Variants in C3AR1 observed in about 807,000 individuals in gnomAD.
The protein encoded by C3AR1 is C3a anaphylatoxin chemotactic receptor.
For synonymous variants in C3AR1, 208 were observed against 225.3 expected, an observed-to-expected ratio of 0.92 and a Z score of 0.69; for missense variants, 579 against 583.5, an observed-to-expected ratio of 0.99 and a Z score of 0.08.
At chr12:8,064,304 T>A (rs1470325732) in intron 1 of C3AR1, among the ~76,000 whole-genome samples, 8 of 152,342 alleles carry the variant, frequency 5.3e-5, no homozygotes, top group Admixed American at 2.0e-4. Flanking sequence ...AATATTTTTG[T>A]GACTTGAAAG....
At position 8,059,175 on chromosome 12, in the gene C3AR1, C is replaced by G. The variant is rs372743692; in HGVS notation, c.1011G>C (p.Thr337=). 6.2e-7 allele frequency: 1 copy of G among 1,613,988 alleles called. No homozygotes were observed. The highest frequency in any genetic ancestry group is 8.5e-7 in the Non-Finnish European group (1 of 1,180,004). ...DQVPTPLVAI[T]ITRLVVGFLL... ...GGAAACCCACCACTAGCCTAGTGAT[C>G]GTTATTGCCACGAGGGGTGTTGGCA... The change falls in exon 2 of 2, where the codon ACG becomes ACC. Residue 337 remains threonine (T), a synonymous_variant. Coordinates refer to ENST00000307637, the MANE Select transcript of C3AR1 (RefSeq NM_004054.4).
chr12:8,061,685 T>G (rs1947275850), intron 1 of C3AR1, among the ~76,000 whole-genome samples: 1 of 152,180 alleles, frequency 6.6e-6, no homozygotes, highest in Non-Finnish European at 1.5e-5. Flanking sequence ...ACTCTTGAAC[T>G]GCTAGGCTCG....
At position 8,057,561 on chromosome 12, in the gene C3AR1, T is replaced by A. The variant is rs1947204097; in HGVS notation, c.*1176A>T. Among the ~76,000 whole-genome samples, 1 of 152,214 alleles carries A rather than the reference T, an allele frequency of 6.6e-6. No homozygotes were observed. The highest frequency in any genetic ancestry group is 1.5e-5 in the Non-Finnish European group (1 of 68,042). On this transcript the variant is annotated 3_prime_UTR_variant, in exon 2 of 2. Transcript: ENST00000307637. The stretch of plus-strand genomic sequence containing the variant: ...GGGAGGAGGGAACTTTTGGGCACAG[T>A]GAGGTAGGAGACCTCATATTTCATT...
At position 8,059,851 on chromosome 12, in the gene C3AR1, A is replaced by C. The variant is rs780026701; in HGVS notation, c.335T>G (p.Leu112Arg). ...IVLNMFASVFLLTAISLDRCL... is the reference protein window; with the variant it reads ...IVLNMFASVFRLTAISLDRCL... ...GCGATCCAGGCTAATGGCAGTAAGC[A>C]GGAAGACACTGGCAAACATGTTGAG... The change falls in exon 2 of 2, where the codon CTG (leucine) becomes CGG (arginine). Residue 112 changes from leucine (L) to arginine (R), a missense_variant. Physicochemically the swap from Leu to Arg is moderately radical, Grantham distance 102. Coordinates refer to ENST00000307637, the MANE Select transcript of C3AR1 (RefSeq NM_004054.4). 6.2e-7 allele frequency: 1 copy of C among 1,614,222 alleles called. No homozygotes were observed. The highest frequency in any genetic ancestry group is 1.1e-5 in the South Asian group (1 of 91,080).
intron 1 of C3AR1, among the ~76,000 whole-genome samples, chr12:8,065,230 C>G (rs1245774535): frequency 6.7e-6 from 1 of 148,724 alleles, no homozygotes; most frequent in Non-Finnish European, 1.5e-5. Flanking sequence ...ACTGCATGAA[C>G]TGAAGTAGCA....
At chr12:8,062,228 A>G (rs768002506) in intron 1 of C3AR1, among the ~76,000 whole-genome samples, 1 of 152,376 alleles carries the variant, frequency 6.6e-6, no homozygotes, top group East Asian at 1.9e-4. Flanking sequence ...TTATGCATCA[A>G]TGAACATGGG....
rs779604521 is a variant in C3AR1 at position 8,060,193 on chromosome 12, C to T, written c.-8G>A. On this transcript the variant is annotated splice_region_variant and 5_prime_UTR_variant, in exon 2 of 2. Transcript: ENST00000307637. Reference sequence around the variant, plus strand: ...AGCAGAGAAAGACGCCATTGCTAAACTTCTGCAAAAAGATGAAAAAAATGT... The same window carrying T: ...AGCAGAGAAAGACGCCATTGCTAAATTTCTGCAAAAAGATGAAAAAAATGT... 44 of 1,567,996 alleles carry T rather than the reference C, an allele frequency of 2.8e-5. No homozygotes were observed. The African/African-American group carries it at 5.2e-4, about 19-fold the overall frequency.
chr12:8,059,109 A>G lies in C3AR1; in HGVS notation c.1077T>C (p.Ile359=), dbSNP rs61736564. 1.7e-4 allele frequency: 269 copies of G among 1,614,212 alleles called. 1 individual carries two copies. In the African/African-American group the frequency reaches 2.8e-3, roughly 17 times the overall value. The change falls in exon 2 of 2, where the codon ATT becomes ATC. Residue 359 remains isoleucine, a synonymous_variant. Transcript: ENST00000307637. The stretch of plus-strand genomic sequence containing the variant: ...AGCGGCCCCTTTGCATTCGGAAGAC[A>G]ATGAAGCTGTAACAGGCTATCATGA... ...SVIMIACYSF[I]VFRMQRGRFA... is the part of the protein sequence containing the mutation.
chr12:8,064,819 C>T (rs981577088), intron 1 of C3AR1, among the ~76,000 whole-genome samples: 32 of 152,014 alleles, frequency 2.1e-4, no homozygotes, highest in Non-Finnish European at 1.0e-4. Context: ...GATGCTAGGG[C>T]TGAAAGAAAA....
intron 1 of C3AR1, among the ~76,000 whole-genome samples, chr12:8,063,466 T>C (rs988528453): frequency 2.6e-5 from 4 of 152,198 alleles, no homozygotes; most frequent in African/African-American, 4.8e-5. Context: ...GTACCCTGCT[T>C]TATAGCTTTC....
At position 8,059,549 on chromosome 12, in the gene C3AR1, G is replaced by A. The variant is rs201696539; in HGVS notation, c.637C>T (p.Pro213Ser). The A allele has an allele frequency of 6.2e-6, 10 of 1,614,176 alleles. No individual in the cohort carries two copies. In the East Asian group the frequency reaches 2.0e-4, roughly 32 times the overall value. Residue 213 changes from proline to serine, a missense_variant, in exon 2 of 2, where the codon CCT (proline) becomes TCT (serine). Pro to Ser is a moderately conservative substitution (Grantham distance 74, BLOSUM62 -1). Coordinates refer to ENST00000307637, the MANE Select transcript of C3AR1 (RefSeq NM_004054.4). ...TGATCATTTGTTTGGAAAGAGGAAGGATCTAACCTATCATTCATTTCTCCA... is the reference window on the plus strand; with the variant it reads ...TGATCATTTGTTTGGAAAGAGGAAGAATCTAACCTATCATTCATTTCTCCA... ...PPGEMNDRLD[P>S]SSFQTNDHPW...
chr12:8,057,365 CAA>C lies in C3AR1; in HGVS notation c.*1370_*1371del, dbSNP rs935418330. The stretch of plus-strand genomic sequence containing the variant: ...AATGAATGTTGGGATGCTGGATAAA[CAA>C]ATTAAAAATATGGGGTGCTTGGATA... On this transcript the variant is annotated 3_prime_UTR_variant, in exon 2 of 2. Coordinates refer to ENST00000307637, the MANE Select transcript of C3AR1 (RefSeq NM_004054.4). 3.3e-5 allele frequency among the ~76,000 whole-genome samples: 5 copies of C among 152,104 alleles called. No individual in the cohort carries two copies. Among genetic ancestry groups the C allele is most frequent in the Non-Finnish European group, 7.4e-5 (5 of 68,004 alleles).
rs938096818 is a variant in C3AR1, at chr12:8,057,485, T to C, written c.*1252A>G. The stretch of plus-strand genomic sequence containing the variant: ...TGATTTAGAAACATCATGATAATTA[T>C]CAAAGGAAACATCTAAAATTGTGCA... On this transcript the variant is annotated 3_prime_UTR_variant, in exon 2 of 2. Coordinates refer to ENST00000307637, the MANE Select transcript of C3AR1 (RefSeq NM_004054.4). 4.6e-5 allele frequency among the ~76,000 whole-genome samples: 7 copies of C among 152,158 alleles called. No individual in the cohort carries two copies. Among genetic ancestry groups the C allele is most frequent in the Non-Finnish European group, 7.4e-5 (5 of 68,024 alleles).
chr12:8,058,817 C>T lies in C3AR1; in HGVS notation c.1369G>A (p.Ala457Thr), dbSNP rs905803949. The stretch of plus-strand genomic sequence containing the variant: ...GAACGTGTGAGCTCCTCACTGAAGG[C>T]TGCCTCCAGAATTCCCTGAATGGAC... ...RQSIQGILEA[A>T]FSEELTRSTH... Residue 457 changes from alanine (A) to threonine (T), a missense_variant, in exon 2 of 2, where the codon GCC (alanine) becomes ACC (threonine). Coordinates refer to ENST00000307637, the MANE Select transcript of C3AR1 (RefSeq NM_004054.4). 2 of 1,614,160 alleles carry T rather than the reference C, an allele frequency of 1.2e-6. No individual in the cohort carries two copies. The highest frequency in any genetic ancestry group is 8.5e-7 in the Non-Finnish European group (1 of 1,180,010).
Position 8,059,599 on chromosome 12 carries a change from G to T in C3AR1, c.587C>A (p.Ser196Tyr), listed in dbSNP as rs369087597. The T allele has an allele frequency of 3.7e-6, 6 of 1,614,118 alleles. No individual in the cohort carries two copies. The highest frequency in any genetic ancestry group is 5.1e-6 in the Non-Finnish European group (6 of 1,180,002). Residue 196 changes from serine to tyrosine, a missense_variant, in exon 2 of 2, where the codon TCT (serine) becomes TAT (tyrosine). Ser to Tyr is a moderately radical substitution (Grantham distance 144, BLOSUM62 -2). Coordinates refer to ENST00000307637, the MANE Select transcript of C3AR1 (RefSeq NM_004054.4). ...AGGCGGCTGAACAATGTTTTCAAGA[G>T]ACCTGTTTTCTAGTGGATCTCCATA... ...DFYGDPLENR[S>Y]LENIVQPPGE... is the part of the protein sequence containing the mutation.
At chr12:8,065,585 C>T (rs1258692223) in intron 1 of C3AR1, among the ~76,000 whole-genome samples, 5 of 133,128 alleles carry the variant, frequency 3.8e-5, no homozygotes, top group Admixed American at 8.9e-5. Flanking sequence ...ACCTGGGAGG[C>T]GGAGGTTGCA....
rs1444742352 is a variant in C3AR1, at chr12:8,058,998, A to C, written c.1188T>G (p.Phe396Leu). The C allele has an allele frequency of 1.9e-6, 3 of 1,614,222 alleles. No individual in the cohort carries two copies. ...FLVCWTPYHI[F>L]GVLSLLTDPE... Reference sequence around the variant, plus strand: ...GGTCAGTAAGCAATGACAGGACTCCAAAAATGTGGTATGGAGTCCAGCAGA... The same window carrying C: ...GGTCAGTAAGCAATGACAGGACTCCCAAAATGTGGTATGGAGTCCAGCAGA... The change falls in exon 2 of 2, where the codon TTT becomes TTG. Residue 396 changes from phenylalanine (F) to leucine (L), a missense_variant. Physicochemically the swap from Phe to Leu is conservative, Grantham distance 22. Transcript: ENST00000307637.
Position 8,060,162 on chromosome 12 carries a change from G to C in C3AR1, c.24C>G (p.Thr8=). Residue 8 remains threonine, a synonymous_variant, in exon 2 of 2, where the codon ACC becomes ACG. Transcript: ENST00000307637. MASFSAE[T]NSTDLLSQPW... ...GCTGTGAGAGTAGGTCAGTTGAATT[G>C]GTCTCAGCAGAGAAAGACGCCATTG... The C allele has an allele frequency of 6.2e-7, 1 of 1,608,138 alleles. No individual in the cohort carries two copies. Among genetic ancestry groups the C allele is most frequent in the Non-Finnish European group, 8.5e-7 (1 of 1,175,988 alleles).
rs1041228806 is a variant in C3AR1 at position 8,058,109 on chromosome 12, C to T, written c.*628G>A. On this transcript the variant is annotated 3_prime_UTR_variant, in exon 2 of 2. Coordinates refer to ENST00000307637, the MANE Select transcript of C3AR1 (RefSeq NM_004054.4). ...ATAGTGGAAATTTCTATATCCTGTACCCAGGGGTGTTCCCAGGGACAGGCA... is the reference window on the plus strand; with the variant it reads ...ATAGTGGAAATTTCTATATCCTGTATCCAGGGGTGTTCCCAGGGACAGGCA... Among the ~76,000 whole-genome samples, 1 of 152,160 alleles carries T rather than the reference C, an allele frequency of 6.6e-6. No individual in the cohort carries two copies. The highest frequency in any genetic ancestry group is 1.5e-5 in the Non-Finnish European group (1 of 68,026).
Sources: gnomAD v4.1 joint callset for allele counts (sites outside exome capture counted in the v4.1 genomes callset) on GRCh38, gnomAD v4.1.1 for gene constraint, MANE v1.5 for transcripts, NCBI Gene and HGNC (gene_info 2026-07-23, HGNC 2026-07-21) for gene names.